Variants in GRIP1 observed in about 807,000 individuals in gnomAD.
GRIP1 encodes the protein glutamate receptor-interacting protein 1.
A neutral mutation model predicts 129.9 loss-of-function variants in GRIP1; 45 were observed. The observed-to-expected ratio is 0.35, with a 90% confidence interval of 0.27 to 0.44. The LOEUF (loss-of-function observed/expected upper bound fraction) is 0.44, where lower values mean the gene tolerates loss of function less well. GRIP1 is among the 20% of genes least tolerant of loss of function. The probability of loss-of-function intolerance (pLI) is 1.00; values close to 1 mark genes in which losing one functional copy is unlikely to be tolerated. For synonymous variants in GRIP1, 530 were observed against 520.8 expected (o/e 1.02, Z -0.24); for missense variants, 1,196 against 1,396.8 (o/e 0.86, Z 2.29).
intron 1 of GRIP1, among the ~76,000 whole-genome samples, chr12:66,988,500 C>T (rs1288386830): frequency 1.3e-5 from 2 of 152,138 alleles, no homozygotes; most frequent in Admixed American, 6.5e-5. Flanking sequence ...CCACTTCAGC[C>T]TCCAGAGTAG....
intron 1 of GRIP1, among the ~76,000 whole-genome samples, chr12:66,766,516 A>C (rs1281669656): frequency 2.0e-5 from 3 of 152,146 alleles, no homozygotes; most frequent in Non-Finnish European, 4.4e-5. Context: ...GCTCTTGGGG[A>C]GCAGACACTG....
intron 1 of GRIP1, among the ~76,000 whole-genome samples, chr12:66,993,778 G>T (rs1566110154): frequency 8.6e-6 from 1 of 116,264 alleles, no homozygotes; most frequent in African/African-American, 3.5e-5. Flanking sequence ...ACAACAGCAT[G>T]AGGCTGTCTC....
intron 1 of GRIP1, among the ~76,000 whole-genome samples, chr12:66,665,287 C>A (rs758371922): frequency 6.6e-6 from 1 of 152,152 alleles, no homozygotes; most frequent in African/African-American, 2.4e-5. Context: ...AGGTTACAGG[C>A]GTGAGCTAAC....
At chr12:66,362,444 C>T (rs117685343) in intron 23 of GRIP1, among the ~76,000 whole-genome samples, 2,335 of 151,844 alleles carry the variant, frequency 0.015, 36 homozygotes, top group South Asian at 0.048. Context: ...CAAGTCACCG[C>T]GCCCAGCCTT....
intron 1 of GRIP1, among the ~76,000 whole-genome samples, chr12:66,743,106 G>T (rs556226738): frequency 6.6e-6 from 1 of 152,148 alleles, no homozygotes; most frequent in African/African-American, 2.4e-5. Context: ...ATAAAGAAGA[G>T]AACCATTCTC....
chr12:66,592,648 T>C (rs371925926), intron 2 of GRIP1, among the ~76,000 whole-genome samples: 2 of 152,176 alleles, frequency 1.3e-5, no homozygotes, highest in African/African-American at 4.8e-5. Context: ...AAATAAGTAA[T>C]ATACTAACTC....
chr12:66,874,432 T>C (rs2040348049), intron 1 of GRIP1, among the ~76,000 whole-genome samples: 1 of 152,072 alleles, frequency 6.6e-6, no homozygotes, highest in Non-Finnish European at 1.5e-5. Flanking sequence ...TTATGTTTCA[T>C]GATATGGTGT....
intron 1 of GRIP1, among the ~76,000 whole-genome samples, chr12:66,735,828 A>C (rs1052292940): frequency 2.6e-5 from 4 of 152,122 alleles, no homozygotes; most frequent in African/African-American, 9.7e-5. Context: ...CCAGGTCTTA[A>C]TCATTTTCAG....
intron 1 of GRIP1, among the ~76,000 whole-genome samples, chr12:66,989,473 G>A (rs182042401): frequency 4.0e-4 from 61 of 152,228 alleles, no homozygotes; most frequent in African/African-American, 1.1e-3. Context: ...GGGGCGTCTC[G>A]TCTGTGCCTT....
At chr12:66,789,127 A>C (rs2038449304) in intron 1 of GRIP1, among the ~76,000 whole-genome samples, 2 of 152,218 alleles carry the variant, frequency 1.3e-5, no homozygotes, top group Admixed American at 6.5e-5. Context: ...GACAGAATAT[A>C]GTATTTGAGT....
intron 7 of GRIP1, among the ~76,000 whole-genome samples, chr12:66,513,076 C>T (rs1164183432): frequency 2.0e-5 from 3 of 152,048 alleles, no homozygotes; most frequent in Non-Finnish European, 2.9e-5. Flanking sequence ...ATTGTCCCAG[C>T]ATCATTTACT....
At chr12:66,690,525 T>C (rs902107902) in intron 1 of GRIP1, among the ~76,000 whole-genome samples, 2 of 151,806 alleles carry the variant, frequency 1.3e-5, no homozygotes, top group African/African-American at 4.8e-5. Context: ...TTCATTTCTT[T>C]TGGATATATA....
chr12:66,470,631 G>A (rs4913496), intron 7 of GRIP1, among the ~76,000 whole-genome samples: 86,156 of 151,948 alleles, frequency 0.57, 25,513 homozygotes, highest in Middle Eastern at 0.74. Context: ...GGGGACTCTG[G>A]GCAAATTATG....
chr12:66,975,257 G>C (rs2077767366), intron 1 of GRIP1, among the ~76,000 whole-genome samples: 2 of 152,192 alleles, frequency 1.3e-5, no homozygotes, highest in African/African-American at 2.4e-5. Context: ...AGGAGAAACA[G>C]CATGTAAAAT....
At chr12:66,540,054 ATCTGCTCCAG>A (rs1436582785) in intron 3 of GRIP1, among the ~76,000 whole-genome samples, 1 of 152,176 alleles carries the variant, frequency 6.6e-6, no homozygotes, top group East Asian at 1.9e-4. Context: ...GAGCCTCCTA[ATCTGCTCCAG>A]TCTGCAGTAC....
intron 22 of GRIP1, among the ~76,000 whole-genome samples, chr12:66,374,062 T>C (rs1183190212): frequency 2.0e-5 from 3 of 152,238 alleles, no homozygotes; most frequent in South Asian, 4.1e-4. Flanking sequence ...GTGGGCTATT[T>C]ATACAACAGT....
intron 19 of GRIP1, among the ~76,000 whole-genome samples, chr12:66,390,607 A>G (rs1364700193): frequency 1.3e-5 from 2 of 152,220 alleles, no homozygotes; most frequent in African/African-American, 4.8e-5. Flanking sequence ...TGGAGTAGCT[A>G]AGGTCTTACA....
intron 1 of GRIP1, among the ~76,000 whole-genome samples, chr12:67,023,165 A>C (rs1320724170): frequency 6.6e-6 from 1 of 152,180 alleles, no homozygotes; most frequent in Non-Finnish European, 1.5e-5. Flanking sequence ...GTGTGTGTTT[A>C]GATTATGTTT....
chr12:66,571,662 A>G (rs912433420), intron 2 of GRIP1, among the ~76,000 whole-genome samples: 3 of 152,244 alleles, frequency 2.0e-5, no homozygotes, highest in African/African-American at 7.2e-5. Context: ...GAGCATTACA[A>G]TAATTGCTTC....
Sources: allele counts gnomAD v4.1 joint callset (sites outside exome capture counted in the v4.1 genomes callset), GRCh38; gene constraint gnomAD v4.1.1; transcripts MANE v1.5; gene names NCBI Gene and HGNC (gene_info 2026-07-23, HGNC 2026-07-21).